KPNA5: variants seen among roughly 807,000 people sequenced by gnomAD.
KPNA5 encodes the protein importin subunit alpha-6.
In KPNA5, 46 loss-of-function variants were observed where a neutral mutation model predicts 71.3. The observed-to-expected ratio is 0.65, with a 90% CI of 0.51 to 0.83. The LOEUF is 0.83. Ranked by LOEUF, KPNA5 falls within the 40% of genes least tolerant of loss-of-function variation. The pLI, the probability that KPNA5 is intolerant of heterozygous loss-of-function variation, is 0.00. For synonymous variants in KPNA5, 207 were observed against 201.4 expected (o/e 1.03, Z -0.24); for missense variants, 547 against 628.3 (o/e 0.87, Z 1.38).
At position 116,728,672 on chromosome 6, in the gene KPNA5, CTT is replaced by C. The variant is rs199842526; in HGVS notation, c.1254-888_1254-887del. On this transcript the variant is annotated intron_variant, in intron 12 of 13. Transcript: ENST00000368564. ...CTTTTTTTTTTAAGAGGGACAGAAACTTTTATTAAATGTCTATTGTGTTCTTA... is the reference window on the plus strand; with the variant it reads ...CTTTTTTTTTTAAGAGGGACAGAAACTTATTAAATGTCTATTGTGTTCTTA... Among the ~76,000 whole-genome samples, 666 of 151,896 alleles carry C rather than the reference CTT, an allele frequency of 4.4e-3. 6 individuals are homozygous for C. Among genetic ancestry groups the C allele is most frequent in the African/African-American group, 0.016 (652 of 41,430 alleles).
intron 7 of KPNA5, among the ~76,000 whole-genome samples, chr6:116,705,632 A>C (rs1778411550): frequency 6.6e-6 from 1 of 152,170 alleles, no homozygotes; most frequent in Non-Finnish European, 1.5e-5. Flanking sequence ...TATTTTTTTA[A>C]AAAAGAAATT....
At chr6:116,729,458 TA>T in intron 12 of KPNA5, 104 bp from the exon 13 acceptor site, 5 of 658,386 alleles carry the variant, frequency 7.6e-6, no homozygotes, top group Non-Finnish European at 1.1e-5. Context: ...ATTGCTTATG[TA>T]ACATTTCACT....
chr6:116,692,244 T>G (rs752126178), intron 3 of KPNA5, 49 bp from the exon 4 acceptor site: 1 of 1,426,056 alleles, frequency 7.0e-7, no homozygotes, highest in South Asian at 1.2e-5. Context: ...GCAAAATTAT[T>G]CATGTAAAAT....
intron 1 of KPNA5, among the ~76,000 whole-genome samples, chr6:116,682,145 CA>C (rs543399432): frequency 7.9e-5 from 12 of 151,506 alleles, no homozygotes; most frequent in African/African-American, 2.9e-4. Flanking sequence ...ATAATAAATA[CA>C]AAAAAAATAC....
chr6:116,704,352 G>A lies in KPNA5; in HGVS notation c.568-720G>A, dbSNP rs1163105914. 3.3e-5 allele frequency among the ~76,000 whole-genome samples: 5 copies of A among 151,910 alleles called. No individual in the cohort carries two copies. In the East Asian group the frequency reaches 9.7e-4, roughly 29 times the overall value. ...TGCACCCGACCTACTATAGACAATT[G>A]TATATACAGTGGTAAGTATTTGTGT... On this transcript the variant is annotated intron_variant, in intron 6 of 13. Transcript: ENST00000368564.
Position 116,737,596 on chromosome 6 carries a change from G to C in KPNA5, c.*5273G>C, listed in dbSNP as rs972832479. ...GGCAGTAAGAGACAGAGCAGTCATA[G>C]GGCTCAACTAGTTTGTTTCCTCTGT... On this transcript the variant is annotated 3_prime_UTR_variant, in exon 14 of 14. Transcript: ENST00000368564. 2.0e-5 allele frequency: 3 copies of C among 151,942 alleles called. No individual in the cohort carries two copies. Among genetic ancestry groups the C allele is most frequent in the Non-Finnish European group, 2.9e-5 (2 of 67,922 alleles). The allele number at this position is 151,942 out of a possible 1,614,324, so 9.4% of individuals were successfully genotyped here.
At chr6:116,683,938 T>G (rs1207550492) in intron 1 of KPNA5, among the ~76,000 whole-genome samples, 2 of 114,908 alleles carry the variant, frequency 1.7e-5, no homozygotes, top group African/African-American at 6.7e-5. Flanking sequence ...TTTGACAGAG[T>G]CTTGCTCTGT....
In KPNA5 at chr6:116,732,121, T is replaced by TATATATATAC. The variant is rs1554258587; in HGVS notation, c.1433-14_1433-13insTATATATACA. On this transcript the variant is annotated splice_polypyrimidine_tract_variant and intron_variant, in intron 13 of 13. Coordinates refer to ENST00000368564, the MANE Select transcript of KPNA5 (RefSeq NM_001366306.2). ...ATATATATATATATATATATATATA[T>TATATATATAC]ACTTTGTATAACAGGTCTGGATAAA... is the stretch of plus-strand genomic sequence containing the variant. 9.1e-6 allele frequency: 5 copies of TATATATATAC among 550,836 alleles called. No individual in the cohort carries two copies. Among genetic ancestry groups the TATATATATAC allele is most frequent in the Admixed American group, 7.5e-5 (2 of 26,718 alleles). The allele number at this position is 550,836 out of a possible 1,614,324, so 34.1% of individuals were successfully genotyped here. A position where few individuals can be genotyped will look rare whatever the true frequency, so the allele number is the denominator to read the frequency against.
intron 7 of KPNA5, among the ~76,000 whole-genome samples, chr6:116,715,680 G>A (rs138540515): frequency 0.015 from 2,322 of 152,254 alleles, 27 homozygotes; most frequent in Non-Finnish European, 0.025. Flanking sequence ...CACTTTGGGA[G>A]CCTGAGGCAG....
chr6:116,721,952 G>C (rs747177891), intron 8 of KPNA5, among the ~76,000 whole-genome samples, 174 bp from the exon 9 acceptor site: 1 of 151,970 alleles, frequency 6.6e-6, no homozygotes, highest in East Asian at 1.9e-4. Context: ...TAACATAATA[G>C]TAGTCATAAT....
chr6:116,701,909 G>C, intron 5 of KPNA5, 110 bp from the exon 6 acceptor site: 1 of 863,544 alleles, frequency 1.2e-6, no homozygotes, highest in Non-Finnish European at 1.7e-6. Context: ...CTTAATATAA[G>C]TCAGTCTTTC....
In KPNA5 at chr6:116,695,126, A is replaced by G. The variant is rs547876917; in HGVS notation, c.340+2734A>G. On this transcript the variant is annotated intron_variant, in intron 4 of 13. Coordinates refer to ENST00000368564, the MANE Select transcript of KPNA5 (RefSeq NM_001366306.2). ...TCACCACGCCCAGCTAATTTTTAGTAGAGTCAGGGTTTTGTCATATTGCCC... is the reference window on the plus strand; with the variant it reads ...TCACCACGCCCAGCTAATTTTTAGTGGAGTCAGGGTTTTGTCATATTGCCC... 9.9e-5 allele frequency among the ~76,000 whole-genome samples: 15 copies of G among 152,150 alleles called. No homozygotes were observed. The East Asian group carries it at 2.9e-3, about 29-fold the overall frequency.
rs568897939 is a variant in KPNA5 at position 116,739,240 on chromosome 6, C to T, written c.*6917C>T. On this transcript the variant is annotated 3_prime_UTR_variant, in exon 14 of 14. Transcript: ENST00000368564. ...AACAGCCAAATCATGAGTGAACTCCCATTCACAATTGCTTCAAAGAGAATA... is the reference window on the plus strand; with the variant it reads ...AACAGCCAAATCATGAGTGAACTCCTATTCACAATTGCTTCAAAGAGAATA... 2.6e-5 allele frequency: 4 copies of T among 152,246 alleles called. No homozygotes were observed. Among genetic ancestry groups the T allele is most frequent in the African/African-American group, 9.6e-5 (4 of 41,550 alleles). 9.4% of individuals were successfully genotyped at this position (152,246 alleles called of 1,614,324 possible).
At chr6:116,731,227 G>C (rs1284125988) in intron 13 of KPNA5, among the ~76,000 whole-genome samples, 2 of 152,094 alleles carry the variant, frequency 1.3e-5, no homozygotes, top group African/African-American at 4.8e-5. Flanking sequence ...TTGTATGGGT[G>C]ATTCAGACTT....
intron 12 of KPNA5, among the ~76,000 whole-genome samples, chr6:116,726,850 T>TA (rs1434337984): frequency 1.3e-5 from 2 of 151,976 alleles, no homozygotes; most frequent in African/African-American, 4.8e-5. Flanking sequence ...AATCAGAGAT[T>TA]AAAAAATCCA....
At chr6:116,727,341 T>G (rs1472782920) in intron 12 of KPNA5, among the ~76,000 whole-genome samples, 2 of 151,952 alleles carry the variant, frequency 1.3e-5, no homozygotes, top group African/African-American at 4.8e-5. Flanking sequence ...CATCTGTGGA[T>G]TCAACCACCT....
chr6:116,707,262 CTGTT>C (rs975220687), intron 7 of KPNA5, among the ~76,000 whole-genome samples: 4 of 151,830 alleles, frequency 2.6e-5, no homozygotes, highest in East Asian at 1.9e-4. Context: ...ATCATTTTAT[CTGTT>C]TGAGTGATAT....
intron 2 of KPNA5, among the ~76,000 whole-genome samples, chr6:116,690,816 G>A (rs1777771769): frequency 6.6e-6 from 1 of 152,108 alleles, no homozygotes; most frequent in South Asian, 2.1e-4. Flanking sequence ...AAATGGCATG[G>A]TATTTGCATA....
In KPNA5 at chr6:116,741,086, G is replaced by A. The variant is rs190927100; in HGVS notation, c.*8763G>A. 2 of 152,160 alleles carry A rather than the reference G, an allele frequency of 1.3e-5. No individual in the cohort carries two copies. The highest frequency in any genetic ancestry group is 1.3e-4 in the Admixed American group (2 of 15,256). The allele number at this position is 152,160 out of a possible 1,614,324, so 9.4% of individuals were successfully genotyped here. A position where few individuals can be genotyped will look rare whatever the true frequency, so the allele number is the denominator to read the frequency against. On this transcript the variant is annotated 3_prime_UTR_variant, in exon 14 of 14. Transcript: ENST00000368564. ...ATGTGATTACATGAGTTTGAAATTC[G>A]TTGATACTTGCTTTATGATCTGATA...
Sources: gnomAD v4.1 joint callset for allele counts (sites outside exome capture counted in the v4.1 genomes callset) on GRCh38, gnomAD v4.1.1 for gene constraint, MANE v1.5 for transcripts, NCBI Gene and HGNC (gene_info 2026-07-23, HGNC 2026-07-21) for gene names.